Variants in YAE1 observed in about 807,000 individuals in gnomAD.
YAE1 encodes the protein protein YAE1 homolog.
YAE1 carries 22 observed loss-of-function variants against 23.0 expected under a neutral mutation model. The ratio of observed to expected loss-of-function variants is 0.96; its 90% CI spans 0.68 to 1.37. The LOEUF is 1.37. Ranked by LOEUF, YAE1 falls within the 40% of genes most tolerant of loss-of-function variation. YAE1 has a pLI of 0.00. For synonymous variants in YAE1, 101 were observed against 97.0 expected (o/e 1.04, Z -0.24); for missense variants, 260 against 262.1 (o/e 0.99, Z 0.06).
chr7:39,609,494 A>G (rs1791174943), intron 2 of YAE1: 2 of 1,337,988 alleles, frequency 1.5e-6, no homozygotes, highest in African/African-American at 1.5e-5. Flanking sequence ...TGTAACAGAG[A>G]CAAATCTTCG....
intron 2 of YAE1, among the ~76,000 whole-genome samples, chr7:39,605,223 C>G (rs1254217494): frequency 6.6e-6 from 1 of 152,092 alleles, no homozygotes; most frequent in Non-Finnish European, 1.5e-5. Context: ...GGTCTGCAAC[C>G]TACTATGAGG....
chr7:39,572,788 C>T lies in YAE1; in HGVS notation c.*82C>T. On this transcript the variant is annotated 3_prime_UTR_variant, in exon 3 of 3. Coordinates refer to ENST00000223273, the MANE Select transcript of YAE1 (RefSeq NM_020192.5). ...TCGAAATTTGTACTGGTTTCTGCAT[C>T]AAACACCTCAACTGTAGGGTTACCC... 1 of 1,490,250 alleles carries T rather than the reference C, an allele frequency of 6.7e-7. No individual in the cohort carries two copies. The highest frequency in any genetic ancestry group is 1.4e-5 in the South Asian group (1 of 69,908). The allele number at this position is 1,490,250 out of a possible 1,614,324, so 92.3% of individuals were successfully genotyped here.
At chr7:39,606,735 C>G (rs1397223158) in intron 2 of YAE1, among the ~76,000 whole-genome samples, 1 of 152,144 alleles carries the variant, frequency 6.6e-6, no homozygotes, top group Non-Finnish European at 1.5e-5. Flanking sequence ...TCCAAGATAG[C>G]ATTATGCAGT....
intron 2 of YAE1, among the ~76,000 whole-genome samples, chr7:39,590,641 A>G (rs1172316432): frequency 2.6e-5 from 4 of 152,244 alleles, no homozygotes; most frequent in Non-Finnish European, 1.5e-5. Flanking sequence ...CCTTATACAC[A>G]TAGCTTTAAG....
At chr7:39,609,581 C>G (rs1302175360) in intron 2 of YAE1, 2 of 1,519,966 alleles carry the variant, frequency 1.3e-6, no homozygotes, top group Admixed American at 4.0e-5. Flanking sequence ...GATAACAGAG[C>G]CAAATCTCTG....
chr7:39,570,614 C>T lies in YAE1; in HGVS notation c.238C>T (p.Arg80Ter), dbSNP rs1164329652. 10 of 1,594,970 alleles carry T rather than the reference C, an allele frequency of 6.3e-6. No individual in the cohort carries two copies. The highest frequency in any genetic ancestry group is 1.9e-5 in the Admixed American group (1 of 53,072). Residue 80 changes from arginine to a stop codon, truncating the protein, a stop_gained, in exon 2 of 3, where the codon CGA (arginine) becomes TGA (stop). Transcript: ENST00000223273. LOFTEE classifies it high-confidence loss of function. ...AEVILNYGRL[R>*]GTLSALLSWC... ...AGTCATTTTAAACTATGGACGACTC[C>T]GAGGAACATTGAGGTAATTTTTAAA...
At chr7:39,609,721 C>T in exon 3 of YAE1, 2 of 1,535,554 alleles carry the variant, frequency 1.3e-6, no homozygotes, top group Non-Finnish European at 1.7e-6. Context: ...GGCCACATGG[C>T]GAGCGGGGCG....
intron 1 of YAE1, 24 bp from the exon 2 acceptor site, chr7:39,570,482 C>G: frequency 6.2e-7 from 1 of 1,605,182 alleles, no homozygotes; most frequent in South Asian, 1.1e-5. Flanking sequence ...GTTACAGCTG[C>G]ACTTCTCCAT....
chr7:39,610,007 G>T, exon 3 of YAE1: 3 of 1,507,048 alleles, frequency 2.0e-6, no homozygotes, highest in Non-Finnish European at 1.8e-6. Context: ...TAATCAGAGG[G>T]CAGCTTGTGC....
chr7:39,590,652 G>T (rs1005953344), intron 2 of YAE1, among the ~76,000 whole-genome samples: 7 of 152,040 alleles, frequency 4.6e-5, no homozygotes, highest in Non-Finnish European at 1.0e-4. Flanking sequence ...TAGCTTTAAG[G>T]CCATTTTATA....
chr7:39,589,747 A>C (rs1050414727), intron 2 of YAE1, among the ~76,000 whole-genome samples: 5 of 152,224 alleles, frequency 3.3e-5, no homozygotes, highest in Non-Finnish European at 5.9e-5. Context: ...AATGCTCTCC[A>C]GTTCCCAGGA....
intron 1 of YAE1, chr7:39,570,179 A>C (rs1790543098): frequency 1.5e-6 from 1 of 685,604 alleles, no homozygotes; most frequent in East Asian, 2.6e-5. Flanking sequence ...CGGAACTGCA[A>C]GACTCCTGGA....
chr7:39,572,369 A>C lies in YAE1; in HGVS notation c.344A>C (p.Glu115Ala), dbSNP rs1232524786. 6.2e-7 allele frequency: 1 copy of C among 1,614,154 alleles called. No homozygotes were observed. The highest frequency in any genetic ancestry group is 1.1e-5 in the South Asian group (1 of 91,082). ...NLLDAVGQCEEYVLKHLKSIT... is the reference protein window; with the variant it reads ...NLLDAVGQCEAYVLKHLKSIT... Reference sequence around the variant, plus strand: ...CTGGATGCAGTTGGCCAGTGTGAAGAGTATGTGCTCAAACATCTGAAATCA... The same window carrying C: ...CTGGATGCAGTTGGCCAGTGTGAAGCGTATGTGCTCAAACATCTGAAATCA... Residue 115 changes from glutamate (E) to alanine (A), a missense_variant, in exon 3 of 3, where the codon GAG becomes GCG. By Grantham distance (107) the Glu-to-Ala change is moderately radical (BLOSUM62 -1). Transcript: ENST00000223273.
At chr7:39,610,186 C>A in exon 3 of YAE1, 2 of 657,676 alleles carry the variant, frequency 3.0e-6, no homozygotes, top group East Asian at 2.8e-5. Flanking sequence ...ATCCTCAATA[C>A]CAAACTAGCA....
chr7:39,584,237 T>C (rs556496193), intron 2 of YAE1, among the ~76,000 whole-genome samples: 9 of 152,136 alleles, frequency 5.9e-5, no homozygotes, highest in Non-Finnish European at 1.0e-4. Context: ...TACTTTAAAG[T>C]GGGGGTGATC....
intron 2 of YAE1, among the ~76,000 whole-genome samples, chr7:39,604,777 GA>G (rs1562597698): frequency 6.6e-6 from 1 of 152,010 alleles, no homozygotes; most frequent in Admixed American, 6.6e-5. Context: ...ACACATTTAA[GA>G]TGTGTTCAGT....
At chr7:39,573,077 C>T (rs1166631721), downstream of YAE1, among the ~76,000 whole-genome samples, 3 of 151,876 alleles carry the variant, frequency 2.0e-5, no homozygotes, top group Non-Finnish European at 4.4e-5. Flanking sequence ...CAGGACCTCA[C>T]CAAACCAAAG....
exon 3 of YAE1, chr7:39,609,886 C>T (rs867248999): frequency 1.6e-5 from 25 of 1,533,732 alleles, no homozygotes; most frequent in Non-Finnish European, 1.9e-5. Flanking sequence ...CACCGCGACC[C>T]TGCAGCAGCC....
Position 39,566,494 on chromosome 7 carries a change from G to GAGTC in YAE1, c.77_80dup (p.Leu28ValfsTer11), listed in dbSNP as rs1434960378. On this transcript the variant is annotated frameshift_variant, in exon 1 of 3. Coordinates refer to ENST00000223273, the MANE Select transcript of YAE1 (RefSeq NM_020192.5). LOFTEE classifies it high-confidence loss of function. ...GGACGTGTTTGACGAAGAAGCAGAC[G>GAGTC]AGTCGCTCCTGGCGCAGCGGGAATG... 1 of 1,614,062 alleles carries GAGTC rather than the reference G, an allele frequency of 6.2e-7. No homozygotes were observed. The highest frequency in any genetic ancestry group is 8.5e-7 in the Non-Finnish European group (1 of 1,180,030).
Sources: allele counts gnomAD v4.1 joint callset (sites outside exome capture counted in the v4.1 genomes callset), GRCh38; gene constraint gnomAD v4.1.1; transcripts MANE v1.5; gene names NCBI Gene and HGNC (gene_info 2026-07-23, HGNC 2026-07-21).